GPHN: variants seen among roughly 807,000 people sequenced by gnomAD.
GPHN encodes the protein gephyrin.
In GPHN, 17 loss-of-function variants were observed where a neutral mutation model predicts 95.5. The observed-to-expected ratio is 0.18, with a 90% CI of 0.12 to 0.27. GPHN has a LOEUF of 0.27. Among genes scored for constraint, GPHN ranks in the 10% least tolerant of loss-of-function variants. The probability of loss-of-function intolerance (pLI) is 1.00; values close to 1 mark genes in which losing one functional copy is unlikely to be tolerated. For missense variants in GPHN, 660 were observed against 978.1 expected (o/e 0.67, Z 4.34); for synonymous variants, 320 against 322.5 (o/e 0.99, Z 0.08).
intron 1 of GPHN, among the ~76,000 whole-genome samples, chr14:66,592,549 A>G (rs74718254): frequency 6.6e-6 from 1 of 152,230 alleles, no homozygotes; most frequent in African/African-American, 2.4e-5. Flanking sequence ...ACATATGAAA[A>G]AAGCTCATCA....
At chr14:66,694,640 C>G (rs2153409897) in intron 2 of GPHN, among the ~76,000 whole-genome samples, 1 of 152,174 alleles carries the variant, frequency 6.6e-6, no homozygotes, top group East Asian at 1.9e-4. Flanking sequence ...AGGAGAAAGC[C>G]TAGGTAACCT....
chr14:67,578,793 G>A, the GPHN span, among the ~76,000 whole-genome samples: 1 of 152,180 alleles, frequency 6.6e-6, no homozygotes, highest in Non-Finnish European at 1.5e-5. This position sits in a 1 kb window ranked among gnomAD's most constrained non-coding sequence, Gnocchi z 5.0. Context: ...AAATGGGCAC[G>A]TGTGGATCTG....
intron 3 of GPHN, among the ~76,000 whole-genome samples, chr14:66,792,954 A>G (rs940679860): frequency 6.6e-6 from 1 of 152,286 alleles, no homozygotes; most frequent in Non-Finnish European, 1.5e-5. Flanking sequence ...AGTTATCTGC[A>G]GCAGGAACAT....
chr14:66,835,725 G>A (rs1452595941), intron 4 of GPHN, among the ~76,000 whole-genome samples: 1 of 151,930 alleles, frequency 6.6e-6, no homozygotes, highest in African/African-American at 2.4e-5. Flanking sequence ...ATCTCCTTAA[G>A]CTGATAAGCA....
At chr14:66,657,993 A>G (rs1017807732) in intron 1 of GPHN, among the ~76,000 whole-genome samples, 5 of 152,202 alleles carry the variant, frequency 3.3e-5, no homozygotes, top group Admixed American at 6.5e-5. Context: ...AAGTAATTTG[A>G]AAACATTTTG....
At chr14:67,523,950 G>GAGCATTTCCAGTGACACAAAA in the GPHN span, among the ~76,000 whole-genome samples, 3 of 152,158 alleles carry the variant, frequency 2.0e-5, no homozygotes, top group African/African-American at 4.8e-5. Flanking sequence ...GTGACACAAA[G>GAGCATTTCCAGTGACACAAAA]AGGGTTTCCA....
the GPHN span, among the ~76,000 whole-genome samples, chr14:67,638,536 CT>C: frequency 6.6e-6 from 1 of 152,296 alleles, no homozygotes; most frequent in East Asian, 1.9e-4. Context: ...TTTGACGCCC[CT>C]GATCCTCAGT....
the GPHN span, among the ~76,000 whole-genome samples, chr14:67,415,571 T>C: frequency 1.3e-5 from 2 of 152,230 alleles, no homozygotes; most frequent in African/African-American, 2.4e-5. Flanking sequence ...TCACATGCTA[T>C]CCTCACCAGC....
intron 18 of GPHN, among the ~76,000 whole-genome samples, chr14:67,151,049 C>G (rs1338255755): frequency 6.6e-6 from 1 of 152,134 alleles, no homozygotes; most frequent in Non-Finnish European, 1.5e-5. Context: ...CTTACTATCT[C>G]TCTCAGCCAG....
intron 3 of GPHN, among the ~76,000 whole-genome samples, chr14:66,783,045 A>G (rs1391748627): frequency 6.6e-6 from 1 of 152,138 alleles, no homozygotes. Flanking sequence ...GGTGGCGTAA[A>G]CAAAAAATAC....
At chr14:67,645,599 T>A in the GPHN span, 17 of 1,589,100 alleles carry the variant, frequency 1.1e-5, no homozygotes, top group South Asian at 1.6e-4. Context: ...ATCGGTCATG[T>A]TTGCCAAGCA....
the GPHN span, among the ~76,000 whole-genome samples, chr14:67,399,633 G>GTGGTT: frequency 6.8e-6 from 1 of 147,646 alleles, no homozygotes; most frequent in South Asian, 2.2e-4. Flanking sequence ...AAAGAGAAGG[G>GTGGTT]TAGTTTAGGT....
At chr14:67,340,218 G>T in the GPHN span, 1 of 464,830 alleles carries the variant, frequency 2.2e-6, no homozygotes, top group Non-Finnish European at 3.9e-6. Flanking sequence ...CAGTTTCTCT[G>T]AAAGGCCTAA....
At chr14:67,006,483 T>C (rs1209859734) in intron 9 of GPHN, among the ~76,000 whole-genome samples, 1 of 152,184 alleles carries the variant, frequency 6.6e-6, no homozygotes, top group South Asian at 2.1e-4. Context: ...TTAAATGTTC[T>C]TGTTGAGAAT....
chr14:67,049,517 CTT>C (rs746210824), intron 10 of GPHN, among the ~76,000 whole-genome samples: 16 of 140,292 alleles, frequency 1.1e-4, no homozygotes, highest in African/African-American at 1.0e-4. Context: ...TCTGTGACAA[CTT>C]TTTTTTTTTT....
intron 2 of GPHN, chr14:66,709,259 A>G (rs908058259): frequency 1.4e-5 from 6 of 419,882 alleles, no homozygotes; most frequent in South Asian, 6.9e-5. Flanking sequence ...TAGCACTATT[A>G]AACAGGATTA....
the GPHN span, chr14:67,557,547 T>C: frequency 1.3e-6 from 1 of 758,676 alleles, no homozygotes; most frequent in Non-Finnish European, 2.0e-6. Flanking sequence ...GCCTATTCTT[T>C]TATGTGAAAA....
At chr14:67,483,199 C>T in the GPHN span, among the ~76,000 whole-genome samples, 6 of 152,154 alleles carry the variant, frequency 3.9e-5, no homozygotes, top group South Asian at 6.2e-4. Flanking sequence ...TTAGTAAAGA[C>T]GAGGTTTCAC....
chr14:67,243,649 C>T, the GPHN span, among the ~76,000 whole-genome samples: 34 of 151,784 alleles, frequency 2.2e-4, no homozygotes, highest in Non-Finnish European at 4.1e-4. Context: ...CCCGCCACCA[C>T]GCCTGCTAAT....
Sources: gnomAD v4.1 joint callset for allele counts (sites outside exome capture counted in the v4.1 genomes callset) on GRCh38, gnomAD v4.1.1 for gene constraint, Gnocchi (gnomAD v3.1) non-coding constraint, MANE v1.5 for transcripts, NCBI Gene and HGNC (gene_info 2026-07-23, HGNC 2026-07-21) for gene names.